UBE2R2: variants seen among roughly 807,000 people sequenced by gnomAD.
UBE2R2 encodes ubiquitin conjugating enzyme E2 R2.
A neutral mutation model predicts 27.8 loss-of-function variants in UBE2R2; 1 was observed. The observed-to-expected ratio is 0.04, with a 90% CI of 0.01 to 0.17. UBE2R2 has a LOEUF of 0.17. Ranked by LOEUF, UBE2R2 falls within the 10% of genes least tolerant of loss-of-function variation. UBE2R2 has a pLI of 1.00. For synonymous variants in UBE2R2, 106 were observed against 113.3 expected (o/e 0.94, Z 0.41); for missense variants, 100 against 291.0 (o/e 0.34, Z 4.78).
chr9:33,904,515 A>G (rs998560277), intron 3 of UBE2R2, among the ~76,000 whole-genome samples: 11 of 152,242 alleles, frequency 7.2e-5, no homozygotes, highest in Admixed American at 1.3e-4. Context: ...ACTATTGTTC[A>G]GCACCTCAAT....
At chr9:33,890,548 ACG>A (rs2130799747) in intron 2 of UBE2R2, among the ~76,000 whole-genome samples, 1 of 152,136 alleles carries the variant, frequency 6.6e-6, no homozygotes, top group African/African-American at 2.4e-5. Flanking sequence ...TCGGTGGCTC[ACG>A]CCTGTAGTCC....
At chr9:33,851,982 G>T (rs974719137) in intron 1 of UBE2R2, among the ~76,000 whole-genome samples, 7 of 152,090 alleles carry the variant, frequency 4.6e-5, no homozygotes, top group Non-Finnish European at 1.0e-4. Flanking sequence ...CTGATTGGTA[G>T]TAAGACTCCA....
chr9:33,862,175 G>T (rs750725122), intron 1 of UBE2R2, among the ~76,000 whole-genome samples: 2 of 151,942 alleles, frequency 1.3e-5, no homozygotes, highest in Non-Finnish European at 2.9e-5. Context: ...TTCATAGTTG[G>T]TAATAAAACT....
At chr9:33,855,549 G>T (rs1213164114) in intron 1 of UBE2R2, among the ~76,000 whole-genome samples, 1 of 152,126 alleles carries the variant, frequency 6.6e-6, no homozygotes. Flanking sequence ...TCAAGTTCTT[G>T]TCTGCTTCTG....
At chr9:33,887,103 T>G (rs1821877167) in intron 2 of UBE2R2, 136 bp downstream of exon 2, 1 of 695,656 alleles carries the variant, frequency 1.4e-6, no homozygotes, top group Non-Finnish European at 2.4e-6. Context: ...TGCACTTCAG[T>G]TAACAGTTTC....
chr9:33,867,541 G>T (rs901755764), intron 1 of UBE2R2, among the ~76,000 whole-genome samples: 2 of 152,162 alleles, frequency 1.3e-5, no homozygotes, highest in Non-Finnish European at 2.9e-5. Flanking sequence ...AGCGCTATAT[G>T]AGAGTTATGG....
At chr9:33,839,536 C>T (rs1820687284) in intron 1 of UBE2R2, among the ~76,000 whole-genome samples, 2 of 152,142 alleles carry the variant, frequency 1.3e-5, no homozygotes, top group Non-Finnish European at 2.9e-5. Flanking sequence ...CCGTGCTGGG[C>T]CTGAGATTAG....
At chr9:33,816,079 A>C (rs1825748601), upstream of UBE2R2, among the ~76,000 whole-genome samples, 1 of 152,178 alleles carries the variant, frequency 6.6e-6, no homozygotes, top group Non-Finnish European at 1.5e-5. Context: ...GTCTCAAACA[A>C]AACAAAACCA....
intron 1 of UBE2R2, among the ~76,000 whole-genome samples, chr9:33,843,023 A>G (rs1357477951): frequency 6.8e-6 from 1 of 147,674 alleles, no homozygotes; most frequent in Non-Finnish European, 1.5e-5. Flanking sequence ...CGTGTTTACA[A>G]AAAAAAAAAA....
intron 2 of UBE2R2, among the ~76,000 whole-genome samples, chr9:33,894,092 G>A (rs1403421858): frequency 6.6e-6 from 1 of 152,072 alleles, no homozygotes; most frequent in Non-Finnish European, 1.5e-5. Flanking sequence ...CAGTGTGTGT[G>A]TGTTCCAGTT....
intron 1 of UBE2R2, among the ~76,000 whole-genome samples, chr9:33,874,052 A>C (rs61644144): frequency 4.0e-5 from 6 of 151,646 alleles, no homozygotes; most frequent in Admixed American, 2.0e-4. Flanking sequence ...AGTTCAAGCA[A>C]TTCTCCTGTC....
At chr9:33,828,550 C>T (rs1322778620) in intron 1 of UBE2R2, among the ~76,000 whole-genome samples, 1 of 150,992 alleles carries the variant, frequency 6.6e-6, no homozygotes, top group Non-Finnish European at 1.5e-5. Context: ...CACCACCGGG[C>T]TAATTTTTGT....
At chr9:33,903,825 T>G (rs187284540) in intron 3 of UBE2R2, among the ~76,000 whole-genome samples, 1 of 152,320 alleles carries the variant, frequency 6.6e-6, no homozygotes, top group East Asian at 1.9e-4. Context: ...TTTTCCCTGC[T>G]TTTATGCTGC....
At chr9:33,819,091 T>C (rs1825911528) in intron 1 of UBE2R2, among the ~76,000 whole-genome samples, 1 of 152,126 alleles carries the variant, frequency 6.6e-6, no homozygotes, top group Non-Finnish European at 1.5e-5. Flanking sequence ...AGGAAATGAG[T>C]GCTTAGGAAT....
intron 4 of UBE2R2, among the ~76,000 whole-genome samples, chr9:33,915,436 T>TA (rs1822618233): frequency 6.6e-6 from 1 of 152,066 alleles, no homozygotes; most frequent in Non-Finnish European, 1.5e-5. Flanking sequence ...GAGTGGTGGT[T>TA]AAAATTATGG....
intron 1 of UBE2R2, among the ~76,000 whole-genome samples, chr9:33,869,736 C>T (rs1256733580): frequency 6.6e-6 from 1 of 152,116 alleles, no homozygotes; most frequent in African/African-American, 2.4e-5. Context: ...AGGTGTGAGC[C>T]ACCGTGCCTG....
At chr9:33,898,397 G>A (rs1347410415) in intron 2 of UBE2R2, among the ~76,000 whole-genome samples, 1 of 151,922 alleles carries the variant, frequency 6.6e-6, no homozygotes, top group Middle Eastern at 3.2e-3. Context: ...TCTTTTATCT[G>A]TAGTAACTTT....
chr9:33,870,363 G>A (rs531715252), intron 1 of UBE2R2, among the ~76,000 whole-genome samples: 2 of 152,086 alleles, frequency 1.3e-5, no homozygotes, highest in East Asian at 1.9e-4. Context: ...GGCTGGTCTC[G>A]AACTCCTGAC....
intron 1 of UBE2R2, among the ~76,000 whole-genome samples, chr9:33,843,540 A>G (rs897958070): frequency 2.0e-5 from 3 of 151,592 alleles, no homozygotes; most frequent in Non-Finnish European, 4.4e-5. Flanking sequence ...GGGAAGTGGC[A>G]TGATCTCAGC....
Sources: gnomAD v4.1 joint callset for allele counts (sites outside exome capture counted in the v4.1 genomes callset) on GRCh38, gnomAD v4.1.1 for gene constraint, MANE v1.5 for transcripts, NCBI Gene and HGNC (gene_info 2026-07-23, HGNC 2026-07-21) for gene names.